Variants in MACROD2 observed in about 807,000 individuals in gnomAD.
MACROD2 encodes ADP-ribose glycohydrolase MACROD2.
Under a neutral mutation model 70.4 loss-of-function variants are expected in MACROD2, and 36 were observed. The observed-to-expected ratio is 0.51, with a 90% CI of 0.39 to 0.68. The LOEUF is 0.68. MACROD2 is among the 30% of genes least tolerant of loss of function. The pLI is 0.00. For synonymous variants in MACROD2, 172 were observed against 178.8 expected (o/e 0.96, Z 0.30); for missense variants, 496 against 538.4 (o/e 0.92, Z 0.78).
chr20:14,050,114 T>TG (rs2053544452), intron 2 of MACROD2, among the ~76,000 whole-genome samples: 1 of 149,762 alleles, frequency 6.7e-6, no homozygotes, highest in African/African-American at 2.5e-5. Context: ...AGCTCCAAAC[T>TG]GCCTGTAGTA....
At chr20:14,678,013 CA>C (rs1428909349) in intron 4 of MACROD2, among the ~76,000 whole-genome samples, 2 of 152,140 alleles carry the variant, frequency 1.3e-5, no homozygotes, top group African/African-American at 4.8e-5. Context: ...CAAACATCCC[CA>C]AATTGTAGTG....
chr20:15,330,504 C>T (rs1054200609), intron 6 of MACROD2, among the ~76,000 whole-genome samples: 5 of 151,328 alleles, frequency 3.3e-5, no homozygotes, highest in Non-Finnish European at 7.4e-5. Context: ...AGTGGTTGGG[C>T]ATGTAGAGGA....
intron 5 of MACROD2, among the ~76,000 whole-genome samples, chr20:14,809,516 T>C (rs2072682150): frequency 6.6e-6 from 1 of 151,534 alleles, no homozygotes; most frequent in Non-Finnish European, 1.5e-5. Context: ...AACATCACAA[T>C]TAAAAGAACT....
intron 3 of MACROD2, among the ~76,000 whole-genome samples, chr20:14,294,468 G>A (rs2082411221): frequency 6.6e-6 from 1 of 151,546 alleles, no homozygotes. Flanking sequence ...TTATTCTGCT[G>A]TTCACAGAGA....
chr20:15,191,145 C>T (rs1416319204), intron 5 of MACROD2, among the ~76,000 whole-genome samples: 1 of 152,144 alleles, frequency 6.6e-6, no homozygotes, highest in African/African-American at 2.4e-5. Flanking sequence ...ACAGTGAAGC[C>T]TGGGGCTCAT....
intron 5 of MACROD2, among the ~76,000 whole-genome samples, chr20:14,876,946 G>C (rs1463051213): frequency 6.6e-6 from 1 of 152,074 alleles, no homozygotes; most frequent in Non-Finnish European, 1.5e-5. Context: ...GGCTATTCAG[G>C]CTCCTTTTTG....
chr20:14,976,974 G>A (rs1359765562), intron 5 of MACROD2, among the ~76,000 whole-genome samples: 1 of 152,092 alleles, frequency 6.6e-6, no homozygotes, highest in African/African-American at 2.4e-5. Flanking sequence ...GAAGAGTGCT[G>A]CCCATCTGAT....
At chr20:14,966,190 C>T (rs540356702) in intron 5 of MACROD2, among the ~76,000 whole-genome samples, 2 of 152,196 alleles carry the variant, frequency 1.3e-5, no homozygotes, top group South Asian at 4.2e-4. Flanking sequence ...TATCTTTTGA[C>T]GATGGATTAT....
At chr20:15,413,532 C>G (rs1038357349) in intron 6 of MACROD2, among the ~76,000 whole-genome samples, 2 of 152,078 alleles carry the variant, frequency 1.3e-5, no homozygotes, top group African/African-American at 4.8e-5. Context: ...AGGAAGACTT[C>G]CCCTCAGTTA....
chr20:14,325,873 A>G, intron 3 of MACROD2: 1 of 1,614,002 alleles, frequency 6.2e-7, no homozygotes, highest in Non-Finnish European at 8.5e-7. Flanking sequence ...CACTAAAGCA[A>G]GAAGGGCAAT....
intron 5 of MACROD2, among the ~76,000 whole-genome samples, chr20:14,878,468 T>C (rs895653912): frequency 2.6e-5 from 4 of 152,112 alleles, no homozygotes; most frequent in East Asian, 3.9e-4. Context: ...GCCTTTAAAG[T>C]AAAACTATAA....
intron 5 of MACROD2, among the ~76,000 whole-genome samples, chr20:14,965,104 A>G (rs1405546493): frequency 1.3e-5 from 2 of 152,054 alleles, no homozygotes; most frequent in Non-Finnish European, 2.9e-5. Context: ...ATTACTATAA[A>G]TGGTCAGCAG....
At chr20:14,385,794 C>A (rs1161010056) in intron 3 of MACROD2, among the ~76,000 whole-genome samples, 1 of 152,174 alleles carries the variant, frequency 6.6e-6, no homozygotes, top group Non-Finnish European at 1.5e-5. Flanking sequence ...ATTTGAAATT[C>A]CACGCTTTAT....
At chr20:13,997,778 C>T (rs1024960724) in intron 1 of MACROD2, among the ~76,000 whole-genome samples, 4 of 151,960 alleles carry the variant, frequency 2.6e-5, no homozygotes, top group Non-Finnish European at 5.9e-5. Context: ...AACGTTACTG[C>T]GATACGAAGA....
chr20:14,389,827 C>T (rs1471518698), intron 3 of MACROD2, among the ~76,000 whole-genome samples: 2 of 152,128 alleles, frequency 1.3e-5, no homozygotes, highest in East Asian at 1.9e-4. Context: ...GAAGCATTAC[C>T]CTTGAAAACT....
intron 3 of MACROD2, among the ~76,000 whole-genome samples, chr20:14,373,233 G>T (rs776595606): frequency 5.3e-5 from 8 of 151,982 alleles, no homozygotes; most frequent in Non-Finnish European, 8.8e-5. Context: ...AATATTTAGT[G>T]CCCTTGCTTT....
intron 5 of MACROD2, among the ~76,000 whole-genome samples, chr20:14,688,863 G>C (rs2071031834): frequency 6.6e-6 from 1 of 152,150 alleles, no homozygotes; most frequent in Non-Finnish European, 1.5e-5. Context: ...TGAAGGATCA[G>C]ACGAGTGAAT....
At chr20:15,116,804 C>T (rs73096093) in intron 5 of MACROD2, among the ~76,000 whole-genome samples, 44,411 of 152,082 alleles carry the variant, frequency 0.29, 7,903 homozygotes, top group Non-Finnish European at 0.41. Context: ...TTCTGGTCAA[C>T]AGCAGGCTAT....
chr20:15,932,921 T>A (rs952163899), intron 10 of MACROD2, among the ~76,000 whole-genome samples: 3 of 152,190 alleles, frequency 2.0e-5, no homozygotes, highest in Non-Finnish European at 4.4e-5. Context: ...CAACCTTCCT[T>A]ACACAGTGCA....
Sources: gnomAD v4.1 joint callset for allele counts (sites outside exome capture counted in the v4.1 genomes callset) on GRCh38, gnomAD v4.1.1 for gene constraint, MANE v1.5 for transcripts, NCBI Gene and HGNC (gene_info 2026-07-23, HGNC 2026-07-21) for gene names.